The following KCNN3 variants were observed in gnomAD, a reference collection of about 807,000 sequenced individuals.
KCNN3 encodes small conductance calcium-activated potassium channel protein 3.
In KCNN3, 16 loss-of-function variants were observed where a neutral mutation model predicts 62.9. The observed-to-expected ratio is 0.25, with a 90% CI of 0.17 to 0.39. The LOEUF is 0.39. Among genes scored for constraint, KCNN3 ranks in the 10% least tolerant of loss-of-function variants. KCNN3 has a pLI of 1.00. For missense variants in KCNN3, 599 were observed against 949.4 expected, an observed-to-expected ratio of 0.63 and a Z score of 4.85; for synonymous variants, 370 against 389.2, an observed-to-expected ratio of 0.95 and a Z score of 0.58.
At chr1:154,805,377 C>G (rs968991569) in intron 2 of KCNN3, among the ~76,000 whole-genome samples, 1 of 152,284 alleles carries the variant, frequency 6.6e-6, no homozygotes, top group African/African-American at 2.4e-5. Context: ...AGCAATTGAG[C>G]AATTGAGCAA....
intron 5 of KCNN3, 118 bp downstream of exon 5, chr1:154,725,798 C>A: frequency 1.3e-6 from 1 of 749,380 alleles, no homozygotes. Flanking sequence ...CCTCCTCAGC[C>A]TCCTAAAGTG....
At chr1:154,774,053 C>T (rs1313336016) in intron 2 of KCNN3, among the ~76,000 whole-genome samples, 2 of 152,202 alleles carry the variant, frequency 1.3e-5, no homozygotes, top group Admixed American at 6.5e-5. Flanking sequence ...GCCTCAGTTA[C>T]CTCATCTGGG....
intron 1 of KCNN3, among the ~76,000 whole-genome samples, chr1:154,825,480 C>G (rs978336399): frequency 6.6e-6 from 1 of 150,994 alleles, no homozygotes; most frequent in Non-Finnish European, 1.5e-5. Context: ...ATTCTCCTGC[C>G]TCAGTCTCCC....
intron 2 of KCNN3, among the ~76,000 whole-genome samples, chr1:154,796,156 G>A (rs943943659): frequency 7.2e-5 from 11 of 152,150 alleles, no homozygotes; most frequent in Non-Finnish European, 1.6e-4. Flanking sequence ...TACTGCAATC[G>A]AAAGGTAATT....
At chr1:154,825,288 C>G (rs1311352149) in intron 1 of KCNN3, among the ~76,000 whole-genome samples, 1 of 151,928 alleles carries the variant, frequency 6.6e-6, no homozygotes, top group Non-Finnish European at 1.5e-5. Flanking sequence ...CCCCGTGACT[C>G]AGAACTTTTC....
chr1:154,842,014 C>T (rs1351952446), intron 1 of KCNN3, among the ~76,000 whole-genome samples: 2 of 152,242 alleles, frequency 1.3e-5, no homozygotes, highest in Admixed American at 6.5e-5. Flanking sequence ...GTGAGGATGG[C>T]ACACAGCCTG....
chr1:154,733,684 G>T (rs893748041), intron 3 of KCNN3, among the ~76,000 whole-genome samples: 2 of 152,158 alleles, frequency 1.3e-5, no homozygotes, highest in African/African-American at 2.4e-5. Flanking sequence ...CTCTAGAGGG[G>T]GCTCTGGGGT....
intron 3 of KCNN3, among the ~76,000 whole-genome samples, chr1:154,764,248 T>C (rs756882653): frequency 7.9e-5 from 12 of 152,242 alleles, no homozygotes; most frequent in Non-Finnish European, 1.5e-4. Context: ...TGTATTGAAA[T>C]TCTTCCTTCC....
At chr1:154,798,043 G>C (rs1649803620) in intron 2 of KCNN3, among the ~76,000 whole-genome samples, 2 of 152,178 alleles carry the variant, frequency 1.3e-5, no homozygotes, top group Admixed American at 1.3e-4. Flanking sequence ...GCCTCCATTT[G>C]TAACTTTCAG....
At chr1:154,785,522 C>G (rs1557975194) in intron 2 of KCNN3, among the ~76,000 whole-genome samples, 2 of 151,442 alleles carry the variant, frequency 1.3e-5, no homozygotes, top group East Asian at 1.9e-4. Flanking sequence ...CAGCAACAAG[C>G]CATTTGGTGA....
intron 4 of KCNN3, among the ~76,000 whole-genome samples, chr1:154,729,532 C>G (rs1700546396): frequency 6.6e-6 from 1 of 152,074 alleles, no homozygotes; most frequent in South Asian, 2.1e-4. Flanking sequence ...CATTTTCCAG[C>G]TGGAAAACCT....
intron 1 of KCNN3, among the ~76,000 whole-genome samples, chr1:154,831,508 G>T (rs775615379): frequency 6.6e-6 from 1 of 152,194 alleles, no homozygotes; most frequent in Non-Finnish European, 1.5e-5. Context: ...GGCCAGAAAT[G>T]AGAATTGCTG....
intron 3 of KCNN3, among the ~76,000 whole-genome samples, chr1:154,753,211 C>T (rs1647469145): frequency 6.6e-6 from 1 of 152,130 alleles, no homozygotes; most frequent in African/African-American, 2.4e-5. Context: ...TAGATGTTTA[C>T]TTTATTAAGT....
intron 1 of KCNN3, among the ~76,000 whole-genome samples, chr1:154,844,572 A>G (rs1240064714): frequency 1.3e-5 from 2 of 152,262 alleles, no homozygotes; most frequent in Non-Finnish European, 2.9e-5. Flanking sequence ...TGGGAGACTC[A>G]GTAACAACAA....
chr1:154,852,380 T>A (rs937409706), intron 1 of KCNN3, among the ~76,000 whole-genome samples: 2 of 151,576 alleles, frequency 1.3e-5, no homozygotes, highest in Admixed American at 6.6e-5. Context: ...TTTTTTTTTT[T>A]TTTTTTTTTA....
At chr1:154,795,925 C>G (rs1649714636) in intron 2 of KCNN3, among the ~76,000 whole-genome samples, 1 of 152,204 alleles carries the variant, frequency 6.6e-6, no homozygotes, top group Non-Finnish European at 1.5e-5. Flanking sequence ...AGGGCTCTAT[C>G]TGCCCCCCTG....
At chr1:154,741,742 G>A (rs113184197) in intron 3 of KCNN3, among the ~76,000 whole-genome samples, 21 of 150,668 alleles carry the variant, frequency 1.4e-4, no homozygotes, top group African/African-American at 4.6e-4. Flanking sequence ...CTTTTCACAT[G>A]GATCTACATG....
chr1:154,809,711 C>T lies in KCNN3; in HGVS notation c.1029+12378G>A, dbSNP rs578045812. 9.2e-5 allele frequency among the ~76,000 whole-genome samples: 14 copies of T among 152,184 alleles called. No homozygotes were observed. Among genetic ancestry groups the T allele is most frequent in the African/African-American group, 2.7e-4 (11 of 41,508 alleles). On this transcript the variant is annotated intron_variant, in intron 2 of 7. Coordinates refer to ENST00000271915, the MANE Select transcript of KCNN3 (RefSeq NM_002249.6). The surrounding 1 kb of genome is among the most constrained non-coding windows in gnomAD (Gnocchi z 4.3). ...AAGGGCTGAAACAGCTGCAGGGAAA[C>T]GTAACAGAAGAAAATGAAAGGTACA...
rs1648615554 is a variant in KCNN3, at chr1:154,772,706, T to C, written c.1030-313A>G. Reference sequence around the variant, plus strand: ...ATAATGTACTTGGTCTTTATCCTGGTTTAGGCACAGTTCCCAAAACGCTCG... The same window carrying C: ...ATAATGTACTTGGTCTTTATCCTGGCTTAGGCACAGTTCCCAAAACGCTCG... On this transcript the variant is annotated intron_variant, in intron 2 of 7. Coordinates refer to ENST00000271915, the MANE Select transcript of KCNN3 (RefSeq NM_002249.6). The surrounding 1 kb of genome is among the most constrained non-coding windows in gnomAD (Gnocchi z 5.6). Among the ~76,000 whole-genome samples, 1 of 152,210 alleles carries C rather than the reference T, an allele frequency of 6.6e-6. No individual in the cohort carries two copies. The highest frequency in any genetic ancestry group is 1.5e-5 in the Non-Finnish European group (1 of 68,036).
Sources: allele counts gnomAD v4.1 joint callset (sites outside exome capture counted in the v4.1 genomes callset), GRCh38; gene constraint gnomAD v4.1.1; non-coding constraint Gnocchi (gnomAD v3.1); transcripts MANE v1.5; gene names NCBI Gene and HGNC (gene_info 2026-07-23, HGNC 2026-07-21).